PDE1A: variants seen among roughly 807,000 people sequenced by gnomAD.
PDE1A encodes the protein phosphodiesterase 1A.
In PDE1A, 35 loss-of-function variants were observed where a neutral mutation model predicts 61.7. That is an observed-to-expected ratio of 0.57 (90% CI 0.43 to 0.75). The LOEUF is 0.75. Ranked by LOEUF, PDE1A falls within the 30% of genes least tolerant of loss-of-function variation. The pLI is 0.00. For synonymous variants in PDE1A, 232 were observed against 213.2 expected (o/e 1.09, Z -0.77); for missense variants, 597 against 630.6 (o/e 0.95, Z 0.57).
the PDE1A span, among the ~76,000 whole-genome samples, chr2:182,612,551 AC>A: frequency 6.6e-6 from 1 of 152,216 alleles, no homozygotes; most frequent in Non-Finnish European, 1.5e-5. Context: ...AAAAATGACA[AC>A]AAAAAACACC....
intron 7 of PDE1A, among the ~76,000 whole-genome samples, chr2:182,220,405 C>T (rs998198998): frequency 6.6e-6 from 1 of 152,066 alleles, no homozygotes; most frequent in African/African-American, 2.4e-5. Context: ...CATGATATGG[C>T]TCCAAGCATC....
the PDE1A span, among the ~76,000 whole-genome samples, chr2:182,570,541 T>A: frequency 6.6e-6 from 1 of 152,198 alleles, no homozygotes; most frequent in African/African-American, 2.4e-5. Flanking sequence ...CTCAGTAGCA[T>A]TGTCATGTCA....
chr2:182,249,189 G>A (rs1864853), intron 2 of PDE1A, among the ~76,000 whole-genome samples: 6,820 of 152,218 alleles, frequency 0.045, 477 homozygotes, highest in African/African-American at 0.15. Flanking sequence ...CTGCTTCTTG[G>A]CCACTCCTTG....
chr2:182,347,019 A>G (rs1278229140), intron 1 of PDE1A, among the ~76,000 whole-genome samples: 1 of 152,150 alleles, frequency 6.6e-6, no homozygotes, highest in East Asian at 1.9e-4. Context: ...TTTTCAGAAA[A>G]TTATTTTGAA....
At chr2:182,256,346 T>C (rs1691813085) in intron 2 of PDE1A, among the ~76,000 whole-genome samples, 1 of 150,526 alleles carries the variant, frequency 6.6e-6, no homozygotes, top group African/African-American at 2.5e-5. Flanking sequence ...TTTGGTTTTT[T>C]GTTCTTGCGA....
chr2:182,575,037 C>T, the PDE1A span, among the ~76,000 whole-genome samples: 1 of 152,184 alleles, frequency 6.6e-6, no homozygotes, highest in African/African-American at 2.4e-5. Context: ...TGCAGCTGGT[C>T]ACATGGTTGT....
intron 1 of PDE1A, among the ~76,000 whole-genome samples, chr2:182,316,246 C>T (rs1559330240): frequency 6.6e-6 from 1 of 152,122 alleles, no homozygotes; most frequent in Non-Finnish European, 1.5e-5. Flanking sequence ...TGTGGTCAAA[C>T]TTTGAAAGAG....
the PDE1A span, among the ~76,000 whole-genome samples, chr2:182,640,254 C>T: frequency 1.3e-5 from 2 of 152,088 alleles, no homozygotes; most frequent in South Asian, 2.1e-4. Context: ...TTTACGCAAG[C>T]GAAGTCAGGA....
intron 10 of PDE1A, among the ~76,000 whole-genome samples, chr2:182,200,605 A>G (rs1165276423): frequency 6.6e-6 from 1 of 152,068 alleles, no homozygotes; most frequent in East Asian, 1.9e-4. Flanking sequence ...CTCTGCCTGG[A>G]TTGTATTCTT....
intron 1 of PDE1A, among the ~76,000 whole-genome samples, chr2:182,275,540 T>C (rs945084542): frequency 3.3e-5 from 5 of 152,066 alleles, no homozygotes; most frequent in Non-Finnish European, 5.9e-5. Context: ...GAAAGGTAGG[T>C]GGCATGTTGT....
chr2:182,483,997 T>G lies in PDE1A; in HGVS notation c.101+38279A>C, dbSNP rs1445938171. On this transcript the variant is annotated intron_variant, in intron 2 of 14. Transcript: ENST00000410103. ...TTTTGAACAACTCTATGCCAAAAAA[T>G]TGGACAACTTAGATGAAATGGACAA... 2.6e-5 allele frequency among the ~76,000 whole-genome samples: 4 copies of G among 151,920 alleles called. No individual in the cohort carries two copies. The South Asian group carries it at 6.2e-4, about 24-fold the overall frequency.
the PDE1A span, among the ~76,000 whole-genome samples, chr2:182,546,662 G>C: frequency 1.3e-5 from 2 of 152,322 alleles, no homozygotes; most frequent in Non-Finnish European, 2.9e-5. Context: ...CTTGCTGTGT[G>C]TTGTTGCCCT....
chr2:182,591,295 C>G, the PDE1A span, among the ~76,000 whole-genome samples: 1 of 152,184 alleles, frequency 6.6e-6, no homozygotes, highest in Admixed American at 6.5e-5. Flanking sequence ...CTGTGACACA[C>G]TCAAACATAT....
At chr2:182,357,021 G>A (rs1293569287) in intron 1 of PDE1A, among the ~76,000 whole-genome samples, 1 of 151,938 alleles carries the variant, frequency 6.6e-6, no homozygotes, top group African/African-American at 2.4e-5. Flanking sequence ...TCACACACCG[G>A]GACCTGTTGT....
intron 7 of PDE1A, among the ~76,000 whole-genome samples, chr2:182,211,896 G>A (rs1687633094): frequency 6.6e-6 from 1 of 151,868 alleles, no homozygotes; most frequent in South Asian, 2.1e-4. Context: ...GGAGTTTTTT[G>A]GTCAATTCTT....
chr2:182,233,724 C>A (rs1328688627), intron 4 of PDE1A, among the ~76,000 whole-genome samples: 1 of 151,144 alleles, frequency 6.6e-6, no homozygotes, highest in Admixed American at 6.6e-5. Context: ...GAAGGATGAG[C>A]CTACAAAATG....
chr2:182,250,703 A>C (rs775663356), intron 2 of PDE1A, among the ~76,000 whole-genome samples: 11 of 152,066 alleles, frequency 7.2e-5, no homozygotes, highest in Non-Finnish European at 1.5e-4. Flanking sequence ...TTGGGTGGAG[A>C]AGTCAGTTAT....
At chr2:182,624,901 C>T in the PDE1A span, among the ~76,000 whole-genome samples, 6 of 150,672 alleles carry the variant, frequency 4.0e-5, no homozygotes, top group African/African-American at 1.5e-4. Context: ...CTTCAGCTGC[C>T]CCCTACAATT....
At chr2:182,439,518 G>A (rs1163814393) in intron 2 of PDE1A, among the ~76,000 whole-genome samples, 1 of 151,922 alleles carries the variant, frequency 6.6e-6, no homozygotes, top group Admixed American at 6.6e-5. Flanking sequence ...AAGTGGAGAG[G>A]GCGTCAAGTG....
Sources: gnomAD v4.1 joint callset for allele counts (sites outside exome capture counted in the v4.1 genomes callset) on GRCh38, gnomAD v4.1.1 for gene constraint, MANE v1.5 for transcripts, NCBI Gene and HGNC (gene_info 2026-07-23, HGNC 2026-07-21) for gene names.